The following BAZ2B variants were observed in gnomAD, a reference collection of about 807,000 sequenced individuals.
BAZ2B encodes the protein bromodomain adjacent to zinc finger domain 2B, also known as bromodomain adjacent to zinc finger domain protein 2B.
BAZ2B carries 91 observed loss-of-function variants against 246.0 expected under a neutral mutation model. That is an observed-to-expected ratio of 0.37 (90% CI 0.31 to 0.44). The LOEUF is 0.44. BAZ2B is among the 20% of genes least tolerant of loss of function. The pLI is 1.00. For missense variants in BAZ2B, 2,332 were observed against 2,533.7 expected, an observed-to-expected ratio of 0.92 and a Z score of 1.71; for synonymous variants, 855 against 860.0, an observed-to-expected ratio of 0.99 and a Z score of 0.10.
At chr2:159,639,543 A>G in the BAZ2B span, among the ~76,000 whole-genome samples, 1 of 152,190 alleles carries the variant, frequency 6.6e-6, no homozygotes, top group Non-Finnish European at 1.5e-5. Flanking sequence ...CAGGGAGATG[A>G]ACTTAAAGTA....
intron 20 of BAZ2B, among the ~76,000 whole-genome samples, chr2:159,394,671 G>C (rs971206482): frequency 4.6e-5 from 7 of 152,150 alleles, no homozygotes; most frequent in African/African-American, 1.4e-4. Flanking sequence ...CACATACGTA[G>C]TATCAATGGT....
intron 1 of BAZ2B, among the ~76,000 whole-genome samples, chr2:159,595,563 G>A (rs1200666695): frequency 2.6e-5 from 4 of 152,204 alleles, no homozygotes; most frequent in Non-Finnish European, 5.9e-5. Context: ...ATATGACACA[G>A]TTCTCAATTA....
intron 2 of BAZ2B, among the ~76,000 whole-genome samples, chr2:159,539,415 A>G (rs994507480): frequency 2.6e-5 from 4 of 152,234 alleles, no homozygotes; most frequent in African/African-American, 9.6e-5. Flanking sequence ...GAATGCAACC[A>G]AAAATATAAA....
chr2:159,378,564 G>T (rs1023221114), intron 25 of BAZ2B, among the ~76,000 whole-genome samples: 1 of 151,978 alleles, frequency 6.6e-6, no homozygotes, highest in Non-Finnish European at 1.5e-5. Context: ...TTGATAAGGG[G>T]TTAATATCTA....
chr2:159,570,076 G>A (rs1188706045), intron 1 of BAZ2B, among the ~76,000 whole-genome samples: 1 of 152,096 alleles, frequency 6.6e-6, no homozygotes, highest in African/African-American at 2.4e-5. Flanking sequence ...ACCAGTGTAA[G>A]GAGAATAAAG....
chr2:159,572,569 A>C (rs184548756), intron 1 of BAZ2B, among the ~76,000 whole-genome samples: 2 of 152,360 alleles, frequency 1.3e-5, no homozygotes, highest in East Asian at 3.9e-4. Context: ...AGTGAAAGTG[A>C]ACAATAAATA....
intron 27 of BAZ2B, among the ~76,000 whole-genome samples, chr2:159,362,900 C>T (rs1026443331): frequency 6.6e-6 from 1 of 151,966 alleles, no homozygotes; most frequent in African/African-American, 2.4e-5. Flanking sequence ...CAAATTCCCA[C>T]TGTTTATCTG....
In BAZ2B at chr2:159,509,966, A is replaced by G. The variant is rs1378454781; in HGVS notation, c.-2-31245T>C. ...ACATATACATATATCTATAAAATGG[A>G]ACTATAAAAGGAAATGAAGTTGTGC... On this transcript the variant is annotated intron_variant, in intron 2 of 36. Transcript: ENST00000392783. 2.0e-5 allele frequency among the ~76,000 whole-genome samples: 3 copies of G among 152,148 alleles called. No homozygotes were observed. In the South Asian group the frequency reaches 6.2e-4, roughly 32 times the overall value.
At chr2:159,512,765 G>A (rs946804084) in intron 2 of BAZ2B, among the ~76,000 whole-genome samples, 2 of 152,094 alleles carry the variant, frequency 1.3e-5, no homozygotes, top group Admixed American at 1.3e-4. Flanking sequence ...AGGAGTAGAG[G>A]GAGTGTCTCT....
chr2:159,504,033 G>A (rs535503337), intron 2 of BAZ2B, among the ~76,000 whole-genome samples: 2 of 152,076 alleles, frequency 1.3e-5, no homozygotes, highest in African/African-American at 4.8e-5. Flanking sequence ...ATGTTGATTA[G>A]TATATTTATC....
chr2:159,644,246 G>A, the BAZ2B span, among the ~76,000 whole-genome samples: 1 of 152,342 alleles, frequency 6.6e-6, no homozygotes, highest in East Asian at 1.9e-4. Context: ...CTATGCATAG[G>A]ATAGACATTC....
chr2:159,697,880 A>C, the BAZ2B span, among the ~76,000 whole-genome samples: 1 of 152,080 alleles, frequency 6.6e-6, no homozygotes, highest in Admixed American at 6.6e-5. Flanking sequence ...CACTGATTTT[A>C]TTTTATATGC....
chr2:159,671,336 A>T, the BAZ2B span, among the ~76,000 whole-genome samples: 1 of 151,534 alleles, frequency 6.6e-6, no homozygotes, highest in Non-Finnish European at 1.5e-5. Context: ...CATTTCAAAT[A>T]AAAAAAAATG....
rs539240929 is a variant in BAZ2B, at chr2:159,442,404, C to T, written c.697-3192G>A. 2.2e-3 allele frequency among the ~76,000 whole-genome samples: 330 copies of T among 152,322 alleles called. 2 individuals carry two copies. Among genetic ancestry groups the T allele is most frequent in the Middle Eastern group, 3.4e-3 (1 of 294 alleles). On this transcript the variant is annotated intron_variant, in intron 6 of 36. Transcript: ENST00000392783. ...ATGAACTGGTGGAGGTCAGATCACA[C>T]AGCTCTTATAAGTCATGGCAAGGAC... is the stretch of plus-strand genomic sequence containing the variant.
At chr2:159,662,607 C>G in the BAZ2B span, among the ~76,000 whole-genome samples, 1 of 152,198 alleles carries the variant, frequency 6.6e-6, no homozygotes, top group African/African-American at 2.4e-5. Context: ...TCACTGCAAT[C>G]TCTGCTTCCC....
At chr2:159,596,331 A>G (rs889846743) in intron 1 of BAZ2B, among the ~76,000 whole-genome samples, 1 of 152,194 alleles carries the variant, frequency 6.6e-6, no homozygotes, top group African/African-American at 2.4e-5. Context: ...ATTGCATTTT[A>G]GCAAATTTTA....
At position 159,453,669 on chromosome 2, in the gene BAZ2B, C is replaced by T. The variant is rs766155088; in HGVS notation, c.278G>A (p.Gly93Glu). The T allele has an allele frequency of 4.3e-5, 69 of 1,613,090 alleles. No individual in the cohort carries two copies. In the East Asian group the frequency reaches 1.1e-3, roughly 26 times the overall value. The change falls in exon 4 of 37, where the codon GGG becomes GAG. Residue 93 changes from glycine to glutamate, a missense_variant. Coordinates refer to ENST00000392783, the MANE Select transcript of BAZ2B (RefSeq NM_013450.4). The part of the protein sequence containing the change: ...SSGHSEFGGL[G>E]TLGTPTALAA... The stretch of plus-strand genomic sequence containing the variant: ...TAAGGCTGTGGGTGTACCAAGTGTC[C>T]CCAAACCACCAAATTCTGAATGCCC...
chr2:159,453,801 C>G lies in BAZ2B; in HGVS notation c.146G>C (p.Gly49Ala). The G allele has an allele frequency of 6.4e-7, 1 of 1,573,748 alleles. No homozygotes were observed. Among genetic ancestry groups the G allele is most frequent in the Non-Finnish European group, 8.6e-7 (1 of 1,158,612 alleles). ...ATCCCCAGCTGTTCTGAATAAATGT[C>G]CTGGGAGGGAAAAAAACACACTTAA... Reference protein sequence around the residue: ...ASLSSTINPCGHLFRTAGDQP... With the variant: ...ASLSSTINPCAHLFRTAGDQP... Residue 49 changes from glycine to alanine, a missense_variant and splice_region_variant, in exon 4 of 37, where the codon GGA becomes GCA. Around this residue, in one of 9 missense-constraint regions of BAZ2B, gnomAD observed 242 missense variants for 237.4 expected, o/e 1.02. Transcript: ENST00000392783.
In BAZ2B at chr2:159,324,792, A is replaced by G; in HGVS notation, c.6353+19T>C. 6.9e-7 allele frequency: 1 copy of G among 1,451,050 alleles called. No individual in the cohort carries two copies. Among genetic ancestry groups the G allele is most frequent in the South Asian group, 1.5e-5 (1 of 68,094 alleles). 89.9% of individuals were successfully genotyped at this position (1,451,050 alleles called of 1,614,324 possible). A position where few individuals can be genotyped will look rare whatever the true frequency, so the allele number is the denominator to read the frequency against. ...CAGGTATTCAATAAATATTTAGTGA[A>G]CTGAAATGATTTACTTACTGTCCAC... On this transcript the variant is annotated intron_variant, in intron 36 of 36. Coordinates refer to ENST00000392783, the MANE Select transcript of BAZ2B (RefSeq NM_013450.4).
Sources: gnomAD v4.1 joint callset for allele counts (sites outside exome capture counted in the v4.1 genomes callset) on GRCh38, gnomAD v4.1.1 for gene constraint, gnomAD v4.1.1 regional missense constraint, MANE v1.5 for transcripts, NCBI Gene and HGNC (gene_info 2026-07-23, HGNC 2026-07-21) for gene names.